Variants in COBLL1 observed in about 807,000 individuals in gnomAD.
The protein encoded by COBLL1 is cordon-bleu protein-like 1.
COBLL1 carries 50 observed loss-of-function variants against 94.8 expected under a neutral mutation model. That is an observed-to-expected ratio of 0.53 (90% confidence interval 0.42 to 0.67). COBLL1 has a LOEUF of 0.67. Ranked by LOEUF, COBLL1 falls within the 30% of genes least tolerant of loss-of-function variation. The probability of loss-of-function intolerance (pLI) is 0.00; values close to 1 mark genes in which losing one functional copy is unlikely to be tolerated. For missense variants in COBLL1, 1,362 were observed against 1,348.7 expected, an observed-to-expected ratio of 1.01 and a Z score of -0.15; for synonymous variants, 448 against 473.8, an observed-to-expected ratio of 0.95 and a Z score of 0.71.
rs140678147 is a variant in COBLL1 at position 164,695,363 on chromosome 2, T to C, written c.2029A>G (p.Ile677Val). 11 of 1,613,924 alleles carry C rather than the reference T, an allele frequency of 6.8e-6. No individual in the cohort carries two copies. Among genetic ancestry groups the C allele is most frequent in the South Asian group, 3.3e-5 (3 of 91,076 alleles). The change falls in exon 12 of 14, where the codon ATT (isoleucine) becomes GTT (valine). Residue 677 changes from isoleucine (I) to valine (V), a missense_variant. By Grantham distance (29) the Ile-to-Val change is conservative (BLOSUM62 3). Coordinates refer to ENST00000652658, the MANE Select transcript of COBLL1 (RefSeq NM_001365672.2). ...AGATCATCATTACCATGTGCACAAA[T>C]TGGATCTTTTACGGTAAGCGGATCT... ...SEDPLTVKDP[I>V]CAHGNDDLLP... is the part of the protein sequence containing the mutation.
At position 164,684,416 on chromosome 2, in the gene COBLL1, A is replaced by C. The variant is rs1683183955; in HGVS notation, c.*1530T>G. 6.6e-6 allele frequency: 1 copy of C among 152,142 alleles called. No homozygotes were observed. Among genetic ancestry groups the C allele is most frequent in the African/African-American group, 2.4e-5 (1 of 41,440 alleles). The allele number at this position is 152,142 out of a possible 1,614,324, so 9.4% of individuals were successfully genotyped here. A position where few individuals can be genotyped will look rare whatever the true frequency, so the allele number is the denominator to read the frequency against. On this transcript the variant is annotated 3_prime_UTR_variant, in exon 14 of 14. Transcript: ENST00000652658. ...TTTTTATAAGTAGATAATTATGACA[A>C]CACAATTTTTTAAAAAAAATTCACT...
chr2:164,752,339 A>T (rs1382485194), intron 2 of COBLL1, among the ~76,000 whole-genome samples: 1 of 152,176 alleles, frequency 6.6e-6, no homozygotes, highest in Non-Finnish European at 1.5e-5. Context: ...CTGAAATTTA[A>T]ACCCAAGGTG....
intron 5 of COBLL1, among the ~76,000 whole-genome samples, chr2:164,725,835 A>G (rs1489034450): frequency 6.6e-6 from 1 of 152,224 alleles, no homozygotes; most frequent in Non-Finnish European, 1.5e-5. Flanking sequence ...CAGGTTAAAC[A>G]GTAAGACAAG....
At chr2:164,717,284 T>A (rs962709177) in intron 7 of COBLL1, among the ~76,000 whole-genome samples, 1 of 152,220 alleles carries the variant, frequency 6.6e-6, no homozygotes, top group African/African-American at 2.4e-5. Flanking sequence ...AGAACCAATT[T>A]GGTCATACAT....
At chr2:164,805,816 CTTAAG>C (rs1226957871) in intron 2 of COBLL1, among the ~76,000 whole-genome samples, 1 of 152,050 alleles carries the variant, frequency 6.6e-6, no homozygotes, top group Non-Finnish European at 1.5e-5. Context: ...TTCGTGTGGA[CTTAAG>C]TTTTCAGTTC....
rs191531444 is a variant in COBLL1 at position 164,758,944 on chromosome 2, G to A, written c.42-15069C>T. Among the ~76,000 whole-genome samples, 463 of 151,828 alleles carry A rather than the reference G, an allele frequency of 3.0e-3. 4 individuals carry two copies. Among genetic ancestry groups the A allele is most frequent in the African/African-American group, 0.01 (416 of 41,410 alleles). ...CACCAAAGGAAGTTAAAAAGTTTTA[G>A]TTGATTTTTTTTTTAAATTTCAAAC... On this transcript the variant is annotated intron_variant, in intron 2 of 13. Transcript: ENST00000652658.
At position 164,684,776 on chromosome 2, in the gene COBLL1, C is replaced by CTT. The variant is rs1282708584; in HGVS notation, c.*1168_*1169dup. 1.3e-5 allele frequency: 2 copies of CTT among 151,946 alleles called. No individual in the cohort carries two copies. The highest frequency in any genetic ancestry group is 4.8e-5 in the African/African-American group (2 of 41,382). The allele number at this position is 151,946 out of a possible 1,614,324, so 9.4% of individuals were successfully genotyped here. A position where few individuals can be genotyped will look rare whatever the true frequency, so the allele number is the denominator to read the frequency against. ...AAAAGCACCCCAAATATACAACTTG[C>CTT]TTTTATTAAATTGAAAAAAAAATCC... On this transcript the variant is annotated 3_prime_UTR_variant, in exon 14 of 14. Coordinates refer to ENST00000652658, the MANE Select transcript of COBLL1 (RefSeq NM_001365672.2).
In COBLL1 at chr2:164,797,454, T is replaced by C. The variant is rs943594097; in HGVS notation, c.41+43702A>G. ...TCACTAAACAAGCCTCTGAATTCAG[T>C]AGGTAAATCAACTGTATATAAGACA... On this transcript the variant is annotated intron_variant, in intron 2 of 13. Transcript: ENST00000652658. Among the ~76,000 whole-genome samples the C allele has an allele frequency of 5.3e-5, 8 of 152,102 alleles. 1 individual carries two copies. The highest frequency in any genetic ancestry group is 3.9e-4 in the Admixed American group (6 of 15,270).
intron 7 of COBLL1, among the ~76,000 whole-genome samples, chr2:164,719,675 A>T (rs1205332295): frequency 1.3e-5 from 2 of 152,204 alleles, no homozygotes; most frequent in Non-Finnish European, 2.9e-5. Flanking sequence ...CTCAAATCCA[A>T]TATGAGTTCA....
chr2:164,709,669 A>G (rs569942996), intron 7 of COBLL1, among the ~76,000 whole-genome samples: 1 of 152,270 alleles, frequency 6.6e-6, no homozygotes, highest in South Asian at 2.1e-4. Context: ...GTAAGCCAAG[A>G]TTGCGCCACT....
chr2:164,826,896 G>GT (rs11307250), intron 2 of COBLL1, among the ~76,000 whole-genome samples: 1,739 of 122,014 alleles, frequency 0.014, 7 homozygotes, highest in Non-Finnish European at 0.021. Context: ...TCTTTGTTTC[G>GT]TTTTTTTTTT....
rs764052561 is a variant in COBLL1 at position 164,728,074 on chromosome 2, G to T, written c.556C>A (p.His186Asn). 6 of 1,613,636 alleles carry T rather than the reference G, an allele frequency of 3.7e-6. No homozygotes were observed. Among genetic ancestry groups the T allele is most frequent in the Non-Finnish European group, 5.1e-6 (6 of 1,179,606 alleles). ...TGATAATCTTTCAACAATAGTGTAT[G>T]CAACGGATCAAACTCACATTTGCTA... ...ICSKCEFDPL[H>N]TLLLKDYQSQ... The change falls in exon 5 of 14, where the codon CAT becomes AAT. Residue 186 changes from histidine to asparagine, a missense_variant. His to Asn is a moderately conservative substitution (Grantham distance 68). Transcript: ENST00000652658.
intron 2 of COBLL1, among the ~76,000 whole-genome samples, chr2:164,828,267 A>G (rs1685528733): frequency 6.6e-6 from 1 of 152,206 alleles, no homozygotes; most frequent in Admixed American, 6.5e-5. Flanking sequence ...GTATATGTGG[A>G]AATGATATTA....
chr2:164,837,181 A>G (rs1444767456), intron 2 of COBLL1, among the ~76,000 whole-genome samples: 1 of 152,196 alleles, frequency 6.6e-6, no homozygotes, highest in East Asian at 1.9e-4. Flanking sequence ...CTTCAGAATC[A>G]AAATATTAAG....
intron 2 of COBLL1, among the ~76,000 whole-genome samples, chr2:164,785,759 T>C (rs1196237395): frequency 6.6e-6 from 1 of 151,908 alleles, no homozygotes; most frequent in African/African-American, 2.4e-5. Context: ...TCAGTGGTAT[T>C]TGAGTCCAAG....
At chr2:164,677,223 CG>C (rs1228104408), downstream of COBLL1, among the ~76,000 whole-genome samples, 2 of 151,990 alleles carry the variant, frequency 1.3e-5, no homozygotes, top group African/African-American at 4.8e-5. Flanking sequence ...CTGTGCCCAT[CG>C]GAACTTGGGC....
At chr2:164,701,896 A>AGGGGGGGGG (rs200818018) in intron 9 of COBLL1, among the ~76,000 whole-genome samples, 1 of 37,256 alleles carries the variant, frequency 2.7e-5, no homozygotes, top group African/African-American at 5.7e-5. Flanking sequence ...ATGTGGTGGG[A>AGGGGGGGGG]GGGGGGGGCG....
intron 2 of COBLL1, among the ~76,000 whole-genome samples, chr2:164,758,996 T>C (rs1687551103): frequency 6.6e-6 from 1 of 152,062 alleles, no homozygotes; most frequent in Non-Finnish European, 1.5e-5. Context: ...ACCTAGCATT[T>C]AAAACATTAA....
chr2:164,695,481 G>A lies in COBLL1; in HGVS notation c.1911C>T (p.Asn637=). ...VEECVQTSNN[N]ISTQHSCLSS... Reference sequence around the variant, plus strand: ...TTAAGCATGAGTGTTGAGTTGATATGTTGTTATTTGAAGTTTGCACACATT... The same window carrying A: ...TTAAGCATGAGTGTTGAGTTGATATATTGTTATTTGAAGTTTGCACACATT... Residue 637 remains asparagine, a synonymous_variant, in exon 12 of 14, where the codon AAC becomes AAT. Transcript: ENST00000652658. The A allele has an allele frequency of 3.1e-6, 5 of 1,613,916 alleles. No individual in the cohort carries two copies. The highest frequency in any genetic ancestry group is 4.2e-6 in the Non-Finnish European group (5 of 1,179,900).
Sources: gnomAD v4.1 joint callset for allele counts (sites outside exome capture counted in the v4.1 genomes callset) on GRCh38, gnomAD v4.1.1 for gene constraint, MANE v1.5 for transcripts, NCBI Gene and HGNC (gene_info 2026-07-23, HGNC 2026-07-21) for gene names.